ITPR2: variants seen among roughly 807,000 people sequenced by gnomAD.
ITPR2 encodes inositol 1,4,5-trisphosphate receptor type 2.
A neutral mutation model predicts 317.1 loss-of-function variants in ITPR2; 207 were observed. The ratio of observed to expected loss-of-function variants is 0.65; its 90% CI spans 0.58 to 0.73. The LOEUF (loss-of-function observed/expected upper bound fraction) is 0.73, where lower values mean the gene tolerates loss of function less well. Ranked by LOEUF, ITPR2 falls within the 30% of genes least tolerant of loss-of-function variation. ITPR2 has a pLI of 0.00. For synonymous variants in ITPR2, 1,156 were observed against 1,149.1 expected (o/e 1.01, Z -0.12); for missense variants, 2,613 against 3,284.0 (o/e 0.80, Z 4.99).
chr12:26,673,721 AG>A (rs1477812450), intron 13 of ITPR2, among the ~76,000 whole-genome samples: 1 of 151,212 alleles, frequency 6.6e-6, no homozygotes, highest in African/African-American at 2.4e-5. Context: ...AAGAAAATAA[AG>A]GGTATTCAAT....
At chr12:26,597,719 T>G (rs1945883867) in intron 30 of ITPR2, among the ~76,000 whole-genome samples, 1 of 152,208 alleles carries the variant, frequency 6.6e-6, no homozygotes, top group African/African-American at 2.4e-5. Flanking sequence ...TAGGGTCTTT[T>G]AAGACATAAA....
At position 26,657,818 on chromosome 12, in the gene ITPR2, C is replaced by T; in HGVS notation, c.2081G>A (p.Trp694Ter). 1 of 1,614,136 alleles carries T rather than the reference C, an allele frequency of 6.2e-7. No individual in the cohort carries two copies. Among genetic ancestry groups the T allele is most frequent in the Admixed American group, 1.7e-5 (1 of 60,024 alleles). Residue 694 changes from tryptophan (W) to a stop codon, truncating the protein, a stop_gained, in exon 18 of 57, where the codon TGG becomes TAG. Coordinates refer to ENST00000381340, the MANE Select transcript of ITPR2 (RefSeq NM_002223.4). LOFTEE classifies it high-confidence loss of function. ...LSDDIDDEEV[W>*]LYWIDSNKEP... is the part of the protein sequence containing the mutation. ...CTTGTTGCTGTCAATCCAATAGAGC[C>T]AAACTTCTTCATCATCAATGTCATC...
chr12:26,702,966 G>A (rs773590985), intron 9 of ITPR2, among the ~76,000 whole-genome samples: 10 of 152,072 alleles, frequency 6.6e-5, no homozygotes, highest in African/African-American at 1.9e-4. Flanking sequence ...ATTCAACTAC[G>A]GAATTTCCAG....
At chr12:26,795,792 T>C (rs974017158) in intron 1 of ITPR2, among the ~76,000 whole-genome samples, 3 of 152,108 alleles carry the variant, frequency 2.0e-5, no homozygotes, top group African/African-American at 7.2e-5. Flanking sequence ...AAGACCAGCA[T>C]GGTCAATATA....
intron 1 of ITPR2, among the ~76,000 whole-genome samples, chr12:26,792,579 T>G (rs751853164): frequency 6.6e-6 from 1 of 152,090 alleles, no homozygotes. Context: ...ACTTGCCTAA[T>G]TGTCTTGAGT....
intron 12 of ITPR2, 132 bp downstream of exon 12, chr12:26,682,442 T>C: frequency 1.6e-6 from 1 of 634,006 alleles, no homozygotes; most frequent in South Asian, 2.3e-5. Flanking sequence ...GCATGCTTGA[T>C]GAAATTAATT....
intron 35 of ITPR2, among the ~76,000 whole-genome samples, chr12:26,560,574 C>A (rs961208964): frequency 3.9e-5 from 6 of 152,112 alleles, no homozygotes; most frequent in African/African-American, 1.4e-4. Flanking sequence ...GGTCTGCTGA[C>A]CCTGCCTTCA....
At position 26,339,390 on chromosome 12, in the gene ITPR2, C is replaced by G; in HGVS notation, c.*7G>C. 6.2e-7 allele frequency: 1 copy of G among 1,611,764 alleles called. No homozygotes were observed. The highest frequency in any genetic ancestry group is 8.5e-7 in the Non-Finnish European group (1 of 1,178,076). Reference sequence around the variant, plus strand: ...TGAAAGGCTAGTCACGGCTTCCCCCCATGGTATCAGTGTGGTGGCATGTGA... The same window carrying G: ...TGAAAGGCTAGTCACGGCTTCCCCCGATGGTATCAGTGTGGTGGCATGTGA... On this transcript the variant is annotated 3_prime_UTR_variant, in exon 57 of 57. Transcript: ENST00000381340.
chr12:26,549,107 T>G (rs928149605), intron 37 of ITPR2, among the ~76,000 whole-genome samples: 7 of 152,218 alleles, frequency 4.6e-5, no homozygotes, highest in Non-Finnish European at 7.3e-5. Flanking sequence ...TACAGCAATA[T>G]TTTAAGAGAA....
chr12:26,748,033 G>A (rs758246287), intron 2 of ITPR2, among the ~76,000 whole-genome samples: 2 of 152,006 alleles, frequency 1.3e-5, no homozygotes, highest in Non-Finnish European at 2.9e-5. Context: ...ATTTTTCCAG[G>A]AAGGCTTTCC....
chr12:26,812,277 T>G (rs1950765747), intron 1 of ITPR2, among the ~76,000 whole-genome samples: 3 of 151,876 alleles, frequency 2.0e-5, no homozygotes. Context: ...ATTTTACCAT[T>G]TTAAAAAAAA....
intron 5 of ITPR2, chr12:26,721,370 T>C: frequency 1.7e-6 from 1 of 592,412 alleles, no homozygotes; most frequent in Non-Finnish European, 3.1e-6. Context: ...TATTTCAAAA[T>C]TCACTGGAAA....
chr12:26,418,056 A>G (rs1940776771), intron 50 of ITPR2, among the ~76,000 whole-genome samples: 1 of 152,204 alleles, frequency 6.6e-6, no homozygotes, highest in Non-Finnish European at 1.5e-5. Context: ...TTAACTGCCT[A>G]TAAGTTTATA....
chr12:26,372,393 G>A (rs1482803806), intron 55 of ITPR2, among the ~76,000 whole-genome samples: 1 of 152,200 alleles, frequency 6.6e-6, no homozygotes, highest in African/African-American at 2.4e-5. Context: ...AAAATGTACT[G>A]TCTGTTAGAT....
Position 26,833,098 on chromosome 12 carries a change from G to GCTCCTC in ITPR2, c.-323_-318dup, listed in dbSNP as rs1016913473. 2 of 316,222 alleles carry GCTCCTC rather than the reference G, an allele frequency of 6.3e-6. No homozygotes were observed. The highest frequency in any genetic ancestry group is 4.5e-5 in the African/African-American group (2 of 44,318). The allele number at this position is 316,222 out of a possible 1,614,324, so 19.6% of individuals were successfully genotyped here. A position where few individuals can be genotyped will look rare whatever the true frequency, so the allele number is the denominator to read the frequency against. ...CTGAAGTTTTCTCTCCAACACCTTT[G>GCTCCTC]CTCCTCCTCCTCCTCCTTCCCTCTC... On this transcript the variant is annotated 5_prime_UTR_variant, in exon 1 of 57. Coordinates refer to ENST00000381340, the MANE Select transcript of ITPR2 (RefSeq NM_002223.4).
chr12:26,774,847 T>C lies in ITPR2; in HGVS notation c.163+15310A>G, dbSNP rs150693474. ...ACAGCAGGAACAGTGCAGAAGTGTA[T>C]TGTGGAACGAAATGACAACACCGTC... On this transcript the variant is annotated intron_variant, in intron 2 of 56. Transcript: ENST00000381340. Among the ~76,000 whole-genome samples, 9 of 152,276 alleles carry C rather than the reference T, an allele frequency of 5.9e-5. No homozygotes were observed. In the East Asian group the frequency reaches 1.7e-3, roughly 29 times the overall value.
intron 21 of ITPR2, among the ~76,000 whole-genome samples, chr12:26,641,837 A>T (rs1422015969): frequency 6.6e-6 from 1 of 152,200 alleles, no homozygotes; most frequent in African/African-American, 2.4e-5. Flanking sequence ...AAAAGCTGGG[A>T]GGTGGAATGA....
chr12:26,642,767 C>T (rs1191762850), intron 21 of ITPR2, among the ~76,000 whole-genome samples: 1 of 152,140 alleles, frequency 6.6e-6, no homozygotes, highest in Non-Finnish European at 1.5e-5. Context: ...CAAAATGGAC[C>T]AAGACAAGAT....
chr12:26,639,858 T>A (rs560888327), intron 21 of ITPR2, among the ~76,000 whole-genome samples: 1 of 152,224 alleles, frequency 6.6e-6, no homozygotes, highest in South Asian at 2.1e-4. Flanking sequence ...ATTTTCTTAA[T>A]CCAGTCTATC....
Sources: gnomAD v4.1 joint callset for allele counts (sites outside exome capture counted in the v4.1 genomes callset) on GRCh38, gnomAD v4.1.1 for gene constraint, MANE v1.5 for transcripts, NCBI Gene and HGNC (gene_info 2026-07-23, HGNC 2026-07-21) for gene names.